The following GCNT1 variants were observed in gnomAD, a reference collection of about 807,000 sequenced individuals.
The protein encoded by GCNT1 is glucosaminyl (N-acetyl) transferase 1.
GCNT1 carries 16 observed loss-of-function variants against 26.2 expected under a neutral mutation model. The observed-to-expected ratio is 0.61, with a 90% CI of 0.41 to 0.93. The LOEUF is 0.93. Among genes scored for constraint, GCNT1 ranks in the 40% least tolerant of loss-of-function variants. The pLI, the probability that GCNT1 is intolerant of heterozygous loss-of-function variation, is 0.00. For synonymous variants in GCNT1, 183 were observed against 190.8 expected (o/e 0.96, Z 0.34); for missense variants, 477 against 526.7 (o/e 0.91, Z 0.92).
At chr9:76,402,379 A>G in the GCNT1 span, among the ~76,000 whole-genome samples, 1 of 152,244 alleles carries the variant, frequency 6.6e-6, no homozygotes, top group Non-Finnish European at 1.5e-5. Context: ...TTTGAAAACT[A>G]AATTCATAAA....
At chr9:76,476,089 A>G (rs566954290) in intron 2 of GCNT1, among the ~76,000 whole-genome samples, 1 of 152,342 alleles carries the variant, frequency 6.6e-6, no homozygotes, top group Non-Finnish European at 1.5e-5. Context: ...GCCTTTTGCC[A>G]TCTGGAATAA....
intron 1 of GCNT1, among the ~76,000 whole-genome samples, chr9:76,429,926 G>A (rs1823312450): frequency 6.6e-6 from 1 of 152,058 alleles, no homozygotes. Context: ...ATGTTAGCCA[G>A]GATGGTCTCG....
chr9:76,494,711 G>A (rs369327866), intron 2 of GCNT1, among the ~76,000 whole-genome samples: 130 of 152,236 alleles, frequency 8.5e-4, no homozygotes, highest in African/African-American at 2.7e-3. Context: ...GACTAGCCTC[G>A]GAGAAGAGAG....
intron 2 of GCNT1, among the ~76,000 whole-genome samples, chr9:76,487,988 C>T (rs1028133709): frequency 2.6e-5 from 4 of 152,212 alleles, no homozygotes; most frequent in African/African-American, 4.8e-5. Context: ...CTCGCCTCCA[C>T]CTCCCAAAGT....
At chr9:76,483,839 GTA>G (rs1824491386) in intron 2 of GCNT1, among the ~76,000 whole-genome samples, 1 of 151,798 alleles carries the variant, frequency 6.6e-6, no homozygotes, top group African/African-American at 2.4e-5. Flanking sequence ...TCGTGTGTGT[GTA>G]TTTTTAAATA....
At position 76,503,794 on chromosome 9, in the gene GCNT1, C is replaced by T; in HGVS notation, c.*126C>T. ...CTTTGGGGCAGGGACTCTAGTAGATCTTCTTGTCAGAGAAGCTGCATGGTT... is the reference window on the plus strand; with the variant it reads ...CTTTGGGGCAGGGACTCTAGTAGATTTTCTTGTCAGAGAAGCTGCATGGTT... On this transcript the variant is annotated 3_prime_UTR_variant, in exon 4 of 4. Transcript: ENST00000376730. 1.4e-6 allele frequency: 1 copy of T among 727,538 alleles called. No individual in the cohort carries two copies. Among genetic ancestry groups the T allele is most frequent in the South Asian group, 1.7e-5 (1 of 58,562 alleles). 45.1% of individuals were successfully genotyped at this position (727,538 alleles called of 1,614,324 possible).
intron 1 of GCNT1, among the ~76,000 whole-genome samples, chr9:76,434,495 G>A (rs550563080): frequency 1.1e-4 from 16 of 152,220 alleles, no homozygotes; most frequent in South Asian, 2.1e-4. Flanking sequence ...TGTAAGCTGC[G>A]GATGTATGTC....
chr9:76,427,618 C>T (rs541707900), intron 1 of GCNT1, among the ~76,000 whole-genome samples: 4 of 152,078 alleles, frequency 2.6e-5, no homozygotes, highest in South Asian at 2.1e-4. Context: ...ATAGAAATAT[C>T]GATGTTGTCA....
chr9:76,451,146 C>G (rs1254759826), intron 1 of GCNT1, among the ~76,000 whole-genome samples: 1 of 152,086 alleles, frequency 6.6e-6, no homozygotes, highest in Non-Finnish European at 1.5e-5. Flanking sequence ...TCCTCATGTT[C>G]TTTTCAATGT....
chr9:76,496,811 G>A (rs550846332), intron 2 of GCNT1, among the ~76,000 whole-genome samples: 25 of 152,090 alleles, frequency 1.6e-4, no homozygotes, highest in Admixed American at 9.2e-4. Context: ...TCCAACTCAC[G>A]GTGGAATTAT....
Position 76,503,723 on chromosome 9 carries a change from C to T in GCNT1, c.*55C>T. ...AAGGATACACAAAACGTACCCTTAT[C>T]TGTTTCCCCTTCCTTGTCAGCATCG... On this transcript the variant is annotated 3_prime_UTR_variant, in exon 4 of 4. Coordinates refer to ENST00000376730, the MANE Select transcript of GCNT1 (RefSeq NM_001490.5). 7.3e-7 allele frequency: 1 copy of T among 1,365,336 alleles called. No individual in the cohort carries two copies. Among genetic ancestry groups the T allele is most frequent in the Non-Finnish European group, 1.0e-6 (1 of 959,290 alleles). 84.6% of individuals were successfully genotyped at this position (1,365,336 alleles called of 1,614,324 possible). A position where few individuals can be genotyped will look rare whatever the true frequency, so the allele number is the denominator to read the frequency against.
At chr9:76,490,919 G>A (rs1048977949) in intron 2 of GCNT1, among the ~76,000 whole-genome samples, 6 of 152,272 alleles carry the variant, frequency 3.9e-5, no homozygotes, top group African/African-American at 1.4e-4. Flanking sequence ...TCAGAAGGCT[G>A]TGAGTTGTCA....
chr9:76,421,362 G>A (rs1486863053), intron 1 of GCNT1, among the ~76,000 whole-genome samples: 2 of 151,956 alleles, frequency 1.3e-5, no homozygotes, highest in Non-Finnish European at 2.9e-5. Flanking sequence ...CATTTTCGGA[G>A]GCCAAGTCGG....
intron 1 of GCNT1, among the ~76,000 whole-genome samples, chr9:76,447,560 G>C (rs542145133): frequency 6.6e-6 from 1 of 152,026 alleles, no homozygotes; most frequent in Non-Finnish European, 1.5e-5. Context: ...TGCCTCTTTA[G>C]TATATACCTC....
intron 2 of GCNT1, among the ~76,000 whole-genome samples, chr9:76,470,833 A>G (rs1387664915): frequency 1.3e-5 from 2 of 152,126 alleles, no homozygotes; most frequent in Admixed American, 6.5e-5. Context: ...TTAGTCCAAG[A>G]TTCAGCGGGG....
chr9:76,476,699 T>C (rs1217808038), intron 2 of GCNT1, among the ~76,000 whole-genome samples: 1 of 152,230 alleles, frequency 6.6e-6, no homozygotes, highest in Admixed American at 6.5e-5. Flanking sequence ...TTACTTATAC[T>C]TTAAGCAAAT....
At chr9:76,396,495 AAAAGAAG>A in the GCNT1 span, among the ~76,000 whole-genome samples, 1 of 152,120 alleles carries the variant, frequency 6.6e-6, no homozygotes, top group Non-Finnish European at 1.5e-5. Context: ...AACAAGAAAA[AAAAGAAG>A]AAAGGGGAAA....
chr9:76,447,151 CAAAAAAAAAA>C (rs532132124), intron 1 of GCNT1, among the ~76,000 whole-genome samples: 8 of 35,992 alleles, frequency 2.2e-4, no homozygotes, highest in Non-Finnish European at 3.3e-4. Flanking sequence ...AACCCTGTGT[CAAAAAAAAAA>C]AAAAAAAAAA....
chr9:76,436,598 C>CAAA (rs1178497535), intron 1 of GCNT1, among the ~76,000 whole-genome samples: 41 of 40,874 alleles, frequency 1.0e-3, no homozygotes, highest in African/African-American at 1.2e-3. Flanking sequence ...GATTCCATCT[C>CAAA]AAAAAAAAAA....
Sources: gnomAD v4.1 joint callset for allele counts (sites outside exome capture counted in the v4.1 genomes callset) on GRCh38, gnomAD v4.1.1 for gene constraint, MANE v1.5 for transcripts, NCBI Gene and HGNC (gene_info 2026-07-23, HGNC 2026-07-21) for gene names.